Variants in PRKN observed in about 807,000 individuals in gnomAD.
The protein encoded by PRKN is E3 ubiquitin-protein ligase parkin.
In PRKN, 56 loss-of-function variants were observed where a neutral mutation model predicts 59.5. The ratio of observed to expected loss-of-function variants is 0.94; its 90% CI spans 0.76 to 1.18. The LOEUF is 1.18. Ranked by LOEUF, PRKN falls within the 50% of genes most tolerant of loss-of-function variation. PRKN has a pLI of 0.00. For missense variants in PRKN, 657 were observed against 596.4 expected, an observed-to-expected ratio of 1.10 and a Z score of -1.06; for synonymous variants, 250 against 222.1, an observed-to-expected ratio of 1.13 and a Z score of -1.12.
At chr6:162,155,402 T>G (rs1176837512) in intron 4 of PRKN, among the ~76,000 whole-genome samples, 2 of 152,150 alleles carry the variant, frequency 1.3e-5, no homozygotes, top group Non-Finnish European at 2.9e-5. Context: ...CCCTATCTAC[T>G]CTCATCAGAG....
At chr6:162,460,809 T>A (rs1791116477) in intron 1 of PRKN, among the ~76,000 whole-genome samples, 1 of 152,180 alleles carries the variant, frequency 6.6e-6, no homozygotes, top group African/African-American at 2.4e-5. Flanking sequence ...GTTTTTCTGT[T>A]AAATATCTCA....
At chr6:162,090,300 A>C (rs773622896) in intron 4 of PRKN, among the ~76,000 whole-genome samples, 16 of 152,238 alleles carry the variant, frequency 1.1e-4, no homozygotes, top group Non-Finnish European at 2.4e-4. Flanking sequence ...TTTTAGACAC[A>C]AGTAACATAT....
intron 3 of PRKN, among the ~76,000 whole-genome samples, chr6:162,259,930 C>G (rs2128099168): frequency 6.6e-6 from 1 of 152,222 alleles, no homozygotes; most frequent in East Asian, 1.9e-4. Flanking sequence ...AAAAGGATTC[C>G]CTCCAGTTCT....
rs1212819862 is a variant in PRKN, at chr6:161,525,166, T to C, written c.1083+23688A>G. On this transcript the variant is annotated intron_variant, in intron 9 of 11. Transcript: ENST00000366898. This position sits in a 1 kb window ranked among gnomAD's most constrained non-coding sequence, Gnocchi z 4.7. ...GTGTGTGTGTGTATGTGTGTGTGAG[T>C]AGGGTTCTGTGTGAGATGGACGGGT... 6.6e-6 allele frequency among the ~76,000 whole-genome samples: 1 copy of C among 151,770 alleles called. No individual in the cohort carries two copies. Among genetic ancestry groups the C allele is most frequent in the Non-Finnish European group, 1.5e-5 (1 of 67,960 alleles).
chr6:161,953,790 A>G (rs1011676482), intron 6 of PRKN, among the ~76,000 whole-genome samples: 2 of 152,194 alleles, frequency 1.3e-5, no homozygotes, highest in South Asian at 4.1e-4. Context: ...GTTACAAGAC[A>G]GGTGTGAGCT....
intron 5 of PRKN, among the ~76,000 whole-genome samples, chr6:162,045,168 A>G (rs932278321): frequency 6.6e-6 from 1 of 152,200 alleles, no homozygotes; most frequent in African/African-American, 2.4e-5. Flanking sequence ...AGATTCCTAC[A>G]TCCTGAAAGT....
In PRKN at chr6:161,578,215, G is replaced by T. The variant is rs1472389446; in HGVS notation, c.872-8799C>A. Among the ~76,000 whole-genome samples the T allele has an allele frequency of 6.6e-6, 1 of 152,090 alleles. No individual in the cohort carries two copies. The highest frequency in any genetic ancestry group is 1.5e-5 in the Non-Finnish European group (1 of 68,024). On this transcript the variant is annotated intron_variant, in intron 7 of 11. Transcript: ENST00000366898. The surrounding 1 kb of genome is among the most constrained non-coding windows in gnomAD (Gnocchi z 4.2). ...GTTTGAGGAATCCAAGCAGCTGCTT[G>T]GCTGCAGATGAGAATTGAAAGCACC...
intron 6 of PRKN, among the ~76,000 whole-genome samples, chr6:161,851,493 T>G (rs1474558146): frequency 6.6e-6 from 1 of 151,994 alleles, no homozygotes; most frequent in Non-Finnish European, 1.5e-5. Flanking sequence ...TTGTTTGTTT[T>G]TTTTTTGAGA....
intron 6 of PRKN, among the ~76,000 whole-genome samples, chr6:161,938,583 A>G (rs1189314191): frequency 6.6e-6 from 1 of 152,196 alleles, no homozygotes; most frequent in Non-Finnish European, 1.5e-5. Flanking sequence ...AAATTTTGAG[A>G]TTATTATAAT....
chr6:162,547,455 C>T (rs1779165980), intron 1 of PRKN, among the ~76,000 whole-genome samples: 1 of 152,128 alleles, frequency 6.6e-6, no homozygotes, highest in Non-Finnish European at 1.5e-5. Flanking sequence ...AGAACTTTTA[C>T]CTAATTGGAT....
At chr6:161,537,574 C>G (rs1779460333) in intron 9 of PRKN, among the ~76,000 whole-genome samples, 1 of 151,938 alleles carries the variant, frequency 6.6e-6, no homozygotes, top group Non-Finnish European at 1.5e-5. Flanking sequence ...GCCTCAGCCT[C>G]CGGAGTAGCT....
chr6:162,547,740 T>A (rs535913989), intron 1 of PRKN, among the ~76,000 whole-genome samples: 1 of 151,454 alleles, frequency 6.6e-6, no homozygotes, highest in East Asian at 2.0e-4. Flanking sequence ...ACCACCACAA[T>A]GGGCTAATTT....
chr6:162,041,190 A>C (rs958359435), intron 5 of PRKN, among the ~76,000 whole-genome samples: 2 of 152,152 alleles, frequency 1.3e-5, no homozygotes, highest in Non-Finnish European at 2.9e-5. Context: ...GTCTCAAAAA[A>C]ATAAAAAATA....
At chr6:162,190,047 G>A (rs1784205676) in intron 4 of PRKN, among the ~76,000 whole-genome samples, 1 of 152,018 alleles carries the variant, frequency 6.6e-6, no homozygotes, top group African/African-American at 2.4e-5. Flanking sequence ...ATAATTCTTT[G>A]AAACTAGCCG....
chr6:161,898,654 G>A (rs1250333651), intron 6 of PRKN, among the ~76,000 whole-genome samples: 1 of 152,168 alleles, frequency 6.6e-6, no homozygotes, highest in Non-Finnish European at 1.5e-5. Flanking sequence ...TTGGTACTGG[G>A]CGAAGCTATC....
Position 162,201,183 on chromosome 6 carries a change from T to A in PRKN, c.482A>T (p.Lys161Ile), listed in dbSNP as rs1309896026. ...KGPCQRVQPG[K>I]LRVQCSTCRQ... ...GCAGGTGCTGCACTGTACCCTGAGTTTTCCCGGCTGCACTCTTTGACAGGG... is the reference window on the plus strand; with the variant it reads ...GCAGGTGCTGCACTGTACCCTGAGTATTCCCGGCTGCACTCTTTGACAGGG... The change falls in exon 4 of 12, where the codon AAA (lysine) becomes ATA (isoleucine). Residue 161 changes from lysine (K) to isoleucine (I), a missense_variant. Transcript: ENST00000366898. The A allele has an allele frequency of 6.2e-7, 1 of 1,614,130 alleles. No individual in the cohort carries two copies. The highest frequency in any genetic ancestry group is 1.3e-5 in the African/African-American group (1 of 75,042).
intron 2 of PRKN, among the ~76,000 whole-genome samples, chr6:162,359,075 A>ATATATATATAT (rs201414794): frequency 5.9e-5 from 6 of 101,136 alleles, no homozygotes; most frequent in Admixed American, 9.8e-5. Flanking sequence ...AAAAAAAAAA[A>ATATATATATAT]AAAAATATAT....
chr6:161,642,564 C>T (rs1311746485), intron 7 of PRKN, among the ~76,000 whole-genome samples: 23 of 152,060 alleles, frequency 1.5e-4, no homozygotes, highest in Admixed American at 1.3e-3. Context: ...ACTAGTCAAT[C>T]ACTTTTTAAA....
At position 161,785,907 on chromosome 6, in the gene PRKN, TC is replaced by T. The variant is rs761077482; in HGVS notation, c.735del (p.Ser246AlafsTer13). Reference protein sequence around the residue: ...NITCITCTDVRSPVLVFQCNS... With the variant: ...NITCITCTDVXSPVLVFQCNS... ...TTGCACTGGAAAACCAGGACGGGGC[TC>T]CTGCAGAGAGAAAGGAAGATGTTTC... On this transcript the variant is annotated frameshift_variant and splice_region_variant, in exon 7 of 12. Coordinates refer to ENST00000366898, the MANE Select transcript of PRKN (RefSeq NM_004562.3). LOFTEE classifies it high-confidence loss of function. 1 of 1,614,104 alleles carries T rather than the reference TC, an allele frequency of 6.2e-7. No homozygotes were observed. The highest frequency in any genetic ancestry group is 2.2e-5 in the East Asian group (1 of 44,874).
Sources: gnomAD v4.1 joint callset for allele counts (sites outside exome capture counted in the v4.1 genomes callset) on GRCh38, gnomAD v4.1.1 for gene constraint, Gnocchi (gnomAD v3.1) non-coding constraint, MANE v1.5 for transcripts, NCBI Gene and HGNC (gene_info 2026-07-23, HGNC 2026-07-21) for gene names.